The following NTM variants were observed in gnomAD, a reference collection of about 807,000 sequenced individuals.
NTM encodes IgLON family member 2.
In NTM, 13 loss-of-function variants were observed where a neutral mutation model predicts 42.1. The ratio of observed to expected loss-of-function variants is 0.31; its 90% CI spans 0.20 to 0.49. The LOEUF is 0.49. NTM is among the 20% of genes least tolerant of loss of function. The pLI, the probability that NTM is intolerant of heterozygous loss-of-function variation, is 0.99. For missense variants in NTM, 373 were observed against 452.8 expected, an observed-to-expected ratio of 0.82 and a Z score of 1.60; for synonymous variants, 187 against 179.2, an observed-to-expected ratio of 1.04 and a Z score of -0.35.
At chr11:132,083,554 G>T (rs928153610) in intron 2 of NTM, among the ~76,000 whole-genome samples, 3 of 152,098 alleles carry the variant, frequency 2.0e-5, no homozygotes, top group African/African-American at 7.2e-5. Flanking sequence ...CAAGAATATG[G>T]AGTTCCTGGG....
intron 1 of NTM, among the ~76,000 whole-genome samples, chr11:131,838,143 G>T (rs1322745031): frequency 1.3e-5 from 2 of 152,018 alleles, no homozygotes; most frequent in African/African-American, 4.8e-5. Flanking sequence ...TTTACATCAG[G>T]TAAAAACCGG....
intron 1 of NTM, among the ~76,000 whole-genome samples, chr11:131,566,850 C>A (rs2056945410): frequency 6.6e-6 from 1 of 152,128 alleles, no homozygotes; most frequent in Non-Finnish European, 1.5e-5. Flanking sequence ...CTCTTGTTTG[C>A]AGATTATTTT....
At chr11:132,061,986 G>C (rs1206451915) in intron 2 of NTM, among the ~76,000 whole-genome samples, 1 of 152,112 alleles carries the variant, frequency 6.6e-6, no homozygotes, top group Non-Finnish European at 1.5e-5. Context: ...TTAATTGGTA[G>C]ATTCAACATC....
intron 1 of NTM, among the ~76,000 whole-genome samples, chr11:131,754,573 C>G (rs576811869): frequency 6.6e-6 from 1 of 151,074 alleles, no homozygotes; most frequent in Non-Finnish European, 1.5e-5. Flanking sequence ...TGCAGTGAGC[C>G]GAGATTGCAC....
intron 1 of NTM, among the ~76,000 whole-genome samples, chr11:131,684,496 C>T (rs1300525919): frequency 6.6e-6 from 1 of 152,236 alleles, no homozygotes; most frequent in Non-Finnish European, 1.5e-5. Flanking sequence ...CTGCAGCTTC[C>T]AGGGAGCTGG....
At chr11:131,525,022 G>A (rs146923122) in intron 1 of NTM, among the ~76,000 whole-genome samples, 1,946 of 152,070 alleles carry the variant, frequency 0.013, 15 homozygotes, top group Middle Eastern at 0.044. Flanking sequence ...GTGATGGGAT[G>A]TATCCTAAGT....
At chr11:131,887,596 C>T (rs770204830) in intron 1 of NTM, among the ~76,000 whole-genome samples, 2 of 152,192 alleles carry the variant, frequency 1.3e-5, no homozygotes, top group Non-Finnish European at 2.9e-5. Flanking sequence ...ACTACAGATC[C>T]ATCTCTTCTG....
chr11:131,900,342 G>A (rs187995072), intron 1 of NTM, among the ~76,000 whole-genome samples: 1 of 152,330 alleles, frequency 6.6e-6, no homozygotes, highest in East Asian at 1.9e-4. Flanking sequence ...CAGATGCCAC[G>A]TCCTGAGGGC....
At chr11:131,764,764 A>G (rs1001051239) in intron 1 of NTM, among the ~76,000 whole-genome samples, 2 of 152,178 alleles carry the variant, frequency 1.3e-5, no homozygotes, top group African/African-American at 4.8e-5. Context: ...ATGGGAGAAC[A>G]TGACTCGAAG....
chr11:131,698,520 C>T (rs370916338), intron 1 of NTM, among the ~76,000 whole-genome samples: 7 of 152,154 alleles, frequency 4.6e-5, no homozygotes, highest in African/African-American at 1.7e-4. Flanking sequence ...TAATTATTCC[C>T]ATTTTACAGA....
chr11:131,711,880 G>A (rs1188575151), intron 1 of NTM, among the ~76,000 whole-genome samples: 1 of 148,266 alleles, frequency 6.7e-6, no homozygotes, highest in Admixed American at 6.8e-5. Context: ...CTATCGCAAG[G>A]ACAAAAAAAC....
intron 3 of NTM, among the ~76,000 whole-genome samples, chr11:132,161,054 A>G (rs1028954073): frequency 5.3e-5 from 8 of 152,192 alleles, no homozygotes; most frequent in Admixed American, 4.6e-4. Flanking sequence ...ACAAGAGGGT[A>G]TCTGGGAGCA....
chr11:131,640,138 C>T (rs1265820494), intron 1 of NTM, among the ~76,000 whole-genome samples: 1 of 152,074 alleles, frequency 6.6e-6, no homozygotes, highest in Middle Eastern at 3.2e-3. Flanking sequence ...CTTCTGTGAT[C>T]TTGTGCTGGT....
chr11:131,496,791 C>G (rs1350646009), intron 1 of NTM, among the ~76,000 whole-genome samples: 1 of 152,190 alleles, frequency 6.6e-6, no homozygotes, highest in Non-Finnish European at 1.5e-5. Context: ...CTCCCCCTAT[C>G]TCCTTCAAAT....
chr11:132,082,574 G>A (rs759957244), intron 2 of NTM, among the ~76,000 whole-genome samples: 17 of 152,204 alleles, frequency 1.1e-4, no homozygotes, highest in Non-Finnish European at 2.4e-4. Context: ...AATGACTTGG[G>A]CAGGTCAGAG....
At chr11:131,523,782 C>CAAAAAAA (rs3040114) in intron 1 of NTM, among the ~76,000 whole-genome samples, 35 of 71,994 alleles carry the variant, frequency 4.9e-4, no homozygotes, top group Admixed American at 7.0e-4. Flanking sequence ...GACTCCATCT[C>CAAAAAAA]AAAAAAAAAA....
intron 1 of NTM, among the ~76,000 whole-genome samples, chr11:131,588,500 A>T (rs2059078326): frequency 6.6e-6 from 1 of 152,238 alleles, no homozygotes; most frequent in South Asian, 2.1e-4. Context: ...AGGAATGGGG[A>T]TATTTACCTT....
intron 1 of NTM, among the ~76,000 whole-genome samples, chr11:131,818,895 T>C (rs2093061804): frequency 6.6e-6 from 1 of 152,186 alleles, no homozygotes; most frequent in African/African-American, 2.4e-5. Flanking sequence ...AGGAACTCAG[T>C]ACCATTTATG....
rs546254327 is a variant in NTM, at chr11:131,954,988, T to C, written c.167+43340T>C. Among the ~76,000 whole-genome samples, 4 of 152,314 alleles carry C rather than the reference T, an allele frequency of 2.6e-5. No individual in the cohort carries two copies. The South Asian group carries it at 8.3e-4, about 32-fold the overall frequency. The stretch of plus-strand genomic sequence containing the variant: ...GAGAGAGTTAGATTGTTTCCAGTGG[T>C]TTTGCTGTTGTAAATACTGTTCAGA... On this transcript the variant is annotated intron_variant, in intron 2 of 8. Transcript: ENST00000683400.
Sources: allele counts gnomAD v4.1 joint callset (sites outside exome capture counted in the v4.1 genomes callset), GRCh38; gene constraint gnomAD v4.1.1; transcripts MANE v1.5; gene names NCBI Gene and HGNC (gene_info 2026-07-23, HGNC 2026-07-21).